The following WBP2NL variants were observed in gnomAD, a reference collection of about 807,000 sequenced individuals.
The protein encoded by WBP2NL is WBP2 N-terminal like.
Under a neutral mutation model 23.3 loss-of-function variants are expected in WBP2NL, and 27 were observed. That is an observed-to-expected ratio of 1.16 (90% CI 0.85 to 1.60). The LOEUF is 1.60. Ranked by LOEUF, WBP2NL falls within the 40% of genes most tolerant of loss-of-function variation. The pLI is 0.00. For synonymous variants in WBP2NL, 151 were observed against 145.9 expected (o/e 1.03, Z -0.25); for missense variants, 370 against 389.5 (o/e 0.95, Z 0.42).
intron 8 of WBP2NL, among the ~76,000 whole-genome samples, chr22:42,045,235 G>A (rs1438938554): frequency 1.3e-5 from 2 of 151,958 alleles, no homozygotes; most frequent in African/African-American, 2.4e-5. Context: ...TCAGGAGATC[G>A]AGACCATCCT....
intron 8 of WBP2NL, among the ~76,000 whole-genome samples, chr22:42,042,673 T>C (rs1206016728): frequency 6.6e-6 from 1 of 152,256 alleles, no homozygotes; most frequent in Non-Finnish European, 1.5e-5. Flanking sequence ...TTGGATTATT[T>C]ACTAGAAGCT....
At position 42,045,813 on chromosome 22, in the gene WBP2NL, A is replaced by G. The variant is rs555544034; in HGVS notation, c.*274-12477A>G. ...GGAGGAGAGACTTGCATGGTTCATT[A>G]AAGTTCAAATTATAACTGATTTACA... On this transcript the variant is annotated intron_variant and NMD_transcript_variant, in intron 8 of 8. Coordinates refer to the WBP2NL transcript ENST00000436265. Among the ~76,000 whole-genome samples, 23 of 152,384 alleles carry G rather than the reference A, an allele frequency of 1.5e-4. No homozygotes were observed. The South Asian group carries it at 4.8e-3, about 32-fold the overall frequency.
At chr22:42,024,872 G>A (rs1429115364) in intron 5 of WBP2NL, among the ~76,000 whole-genome samples, 1 of 149,152 alleles carries the variant, frequency 6.7e-6, no homozygotes, top group Non-Finnish European at 1.5e-5. Flanking sequence ...GCGCCATCTT[G>A]GCTCACTGCA....
At chr22:42,022,978 C>T (rs1289721056) in intron 5 of WBP2NL, among the ~76,000 whole-genome samples, 5 of 152,084 alleles carry the variant, frequency 3.3e-5, no homozygotes, top group Non-Finnish European at 7.3e-5. Context: ...TAATAGGTAC[C>T]TTGGTTTTTA....
chr22:42,043,309 G>A (rs1487040544), intron 8 of WBP2NL, among the ~76,000 whole-genome samples: 1 of 152,202 alleles, frequency 6.6e-6, no homozygotes, highest in African/African-American at 2.4e-5. Flanking sequence ...TGCAAGGGCT[G>A]TTGAAGTTCT....
In WBP2NL at chr22:42,015,864, C is replaced by G. The variant is rs551454724; in HGVS notation, c.63-3447C>G. On this transcript the variant is annotated intron_variant, in intron 1 of 5. Transcript: ENST00000328823. ...AGGAATATGTGTGAGCTTTTCGAAGCCTTTATTCCTCAAAGCATCTCATTG... is the reference window on the plus strand; with the variant it reads ...AGGAATATGTGTGAGCTTTTCGAAGGCTTTATTCCTCAAAGCATCTCATTG... 1.1e-4 allele frequency among the ~76,000 whole-genome samples: 16 copies of G among 152,218 alleles called. No individual in the cohort carries two copies. In the South Asian group the frequency reaches 3.1e-3, roughly 30 times the overall value.
intron 8 of WBP2NL, among the ~76,000 whole-genome samples, chr22:42,039,502 T>G (rs941193087): frequency 1.3e-5 from 2 of 152,150 alleles, no homozygotes; most frequent in African/African-American, 4.8e-5. Context: ...CTGGAATGTT[T>G]TTGATTACTG....
intron 1 of WBP2NL, chr22:42,001,335 A>G (rs1921651220): frequency 2.9e-6 from 2 of 694,372 alleles, no homozygotes; most frequent in Admixed American, 4.3e-5. Context: ...AACTGATGAC[A>G]ATGTGAGTGT....
At chr22:42,045,760 TG>T (rs1237325868) in intron 8 of WBP2NL, among the ~76,000 whole-genome samples, 2 of 152,268 alleles carry the variant, frequency 1.3e-5, no homozygotes, top group Non-Finnish European at 2.9e-5. Context: ...GTGAGTTCAC[TG>T]GTAAATTCAA....
At chr22:42,049,001 G>T (rs1925710973) in intron 8 of WBP2NL, among the ~76,000 whole-genome samples, 1 of 152,118 alleles carries the variant, frequency 6.6e-6, no homozygotes, top group Non-Finnish European at 1.5e-5. Context: ...ATAAGGAAAG[G>T]AAATAAAAGG....
intron 1 of WBP2NL, among the ~76,000 whole-genome samples, chr22:42,008,490 A>C (rs530879481): frequency 6.6e-6 from 1 of 152,102 alleles, no homozygotes; most frequent in Non-Finnish European, 1.5e-5. Flanking sequence ...TACAGGCATG[A>C]GCCACCATGC....
chr22:42,053,992 A>C (rs949631962), intron 8 of WBP2NL, among the ~76,000 whole-genome samples: 2 of 152,018 alleles, frequency 1.3e-5, no homozygotes, highest in Non-Finnish European at 2.9e-5. Context: ...ACAAGGTCTT[A>C]CTATGTTGCT....
chr22:42,004,693 G>A (rs1217998721), intron 1 of WBP2NL, among the ~76,000 whole-genome samples: 1 of 152,188 alleles, frequency 6.6e-6, no homozygotes, highest in Non-Finnish European at 1.5e-5. Context: ...GGAGGCCAAA[G>A]TGGGTGTATT....
chr22:42,051,810 C>T (rs1427163259), intron 8 of WBP2NL, among the ~76,000 whole-genome samples: 3 of 152,190 alleles, frequency 2.0e-5, no homozygotes, highest in African/African-American at 7.2e-5. Context: ...ACTACTTATT[C>T]AGGTGCCATT....
intron 1 of WBP2NL, among the ~76,000 whole-genome samples, chr22:42,004,213 A>G (rs28821313): frequency 1.5e-3 from 222 of 152,340 alleles, no homozygotes; most frequent in African/African-American, 5.0e-3. Context: ...TGGAGGTTGC[A>G]GTGAGCTGAG....
In WBP2NL at chr22:42,019,782, A is replaced by T; in HGVS notation, c.292A>T (p.Thr98Ser). Residue 98 changes from threonine to serine, a missense_variant, in exon 3 of 6, where the codon ACT becomes TCT. Coordinates refer to ENST00000328823, the MANE Select transcript of WBP2NL (RefSeq NM_152613.3). ...PVFAANFIKG[T>S]IQAAPYGGWE... ...ATTTGCTGCAAACTTCATTAAGGGA[A>T]CTATTCAGGCAGCTCCATATGGTAA... is the stretch of plus-strand genomic sequence containing the variant. The T allele has an allele frequency of 6.2e-7, 1 of 1,614,216 alleles. No homozygotes were observed.
chr22:42,027,100 G>T lies in WBP2NL; in HGVS notation c.849G>T (p.Arg283Ser), dbSNP rs1404813909. ...YRASPAGSGA[R>S]PQESTAAQAP... The stretch of plus-strand genomic sequence containing the variant: ...CCTCACCTGCTGGATCAGGAGCCAG[G>T]CCTCAGGAATCTACAGCAGCCCAGG... Residue 283 changes from arginine (R) to serine (S), a missense_variant, in exon 6 of 6, where the codon AGG becomes AGT. By Grantham distance (110) the Arg-to-Ser change is moderately radical. Coordinates refer to ENST00000328823, the MANE Select transcript of WBP2NL (RefSeq NM_152613.3). The T allele has an allele frequency of 6.2e-7, 1 of 1,614,252 alleles. No homozygotes were observed. Among genetic ancestry groups the T allele is most frequent in the East Asian group, 2.2e-5 (1 of 44,890 alleles).
downstream of WBP2NL, among the ~76,000 whole-genome samples, chr22:42,037,491 T>C (rs1166153640): frequency 6.6e-6 from 1 of 151,936 alleles, no homozygotes; most frequent in African/African-American, 2.4e-5. Flanking sequence ...AAAAGTGCAA[T>C]TGGGATTTTG....
Position 42,001,054 on chromosome 22 carries a change from A to G in WBP2NL, c.62+2174A>G. 5 of 792,930 alleles carry G rather than the reference A, an allele frequency of 6.3e-6. No individual in the cohort carries two copies. The South Asian group carries it at 6.3e-5, about 10-fold the overall frequency. The allele number at this position is 792,930 out of a possible 1,614,324, so 49.1% of individuals were successfully genotyped here. ...AACATGCCTGTTCAAAGGGGGAAAA[A>G]TCTTAGGAAATAACTTACATGTACT... On this transcript the variant is annotated intron_variant, in intron 1 of 5. Coordinates refer to ENST00000328823, the MANE Select transcript of WBP2NL (RefSeq NM_152613.3).
Sources: gnomAD v4.1 joint callset for allele counts (sites outside exome capture counted in the v4.1 genomes callset) on GRCh38, gnomAD v4.1.1 for gene constraint, MANE v1.5 for transcripts, NCBI Gene and HGNC (gene_info 2026-07-23, HGNC 2026-07-21) for gene names.